LMNB1: variants seen among roughly 807,000 people sequenced by gnomAD.
The protein encoded by LMNB1 is lamin-B1.
In LMNB1, 23 loss-of-function variants were observed where a neutral mutation model predicts 67.1. That is an observed-to-expected ratio of 0.34 (90% CI 0.25 to 0.49). The LOEUF (loss-of-function observed/expected upper bound fraction) is 0.49. Among genes scored for constraint, LMNB1 ranks in the 20% least tolerant of loss-of-function variants. LMNB1 has a pLI of 0.99. For synonymous variants in LMNB1, 281 were observed against 282.9 expected (o/e 0.99, Z 0.07); for missense variants, 634 against 746.5 (o/e 0.85, Z 1.76).
Position 126,797,419 on chromosome 5 carries a change from G to A in LMNB1, c.360-7357G>A, listed in dbSNP as rs115784570. 5.0e-3 allele frequency among the ~76,000 whole-genome samples: 759 copies of A among 152,180 alleles called. 2 individuals are homozygous for A. Among genetic ancestry groups the A allele is most frequent in the Admixed American group, 0.011 (167 of 15,280 alleles). Reference sequence around the variant, plus strand: ...ATATAAATAGTTTAATCAGGCAGGTGGATAACACAACAAATCCAGTCAGGA... The same window carrying A: ...ATATAAATAGTTTAATCAGGCAGGTAGATAACACAACAAATCCAGTCAGGA... On this transcript the variant is annotated intron_variant, in intron 1 of 10. Transcript: ENST00000261366.
chr5:126,782,478 A>G (rs1214181898), intron 1 of LMNB1, among the ~76,000 whole-genome samples: 4 of 152,242 alleles, frequency 2.6e-5, no homozygotes, highest in African/African-American at 9.6e-5. Context: ...AGGTTTTGCC[A>G]CTAAATGTGT....
chr5:126,818,878 T>G, intron 5 of LMNB1, 44 bp from the exon 6 acceptor site: 1 of 1,390,786 alleles, frequency 7.2e-7, no homozygotes, highest in Non-Finnish European at 1.0e-6. Flanking sequence ...GGTGCTAATG[T>G]TGGAATGTTC....
In LMNB1 at chr5:126,779,815, G is replaced by T. The variant is rs538729148; in HGVS notation, c.359+1948G>T. Among the ~76,000 whole-genome samples the T allele has an allele frequency of 3.3e-5, 5 of 152,236 alleles. No homozygotes were observed. The East Asian group carries it at 9.7e-4, about 29-fold the overall frequency. ...TGGGAGGCCGAGGCGGGCGGATCAC[G>T]AGGTCAGGAGATCGAGGCCATCCTG... On this transcript the variant is annotated intron_variant, in intron 1 of 10. Coordinates refer to ENST00000261366, the MANE Select transcript of LMNB1 (RefSeq NM_005573.4).
intron 1 of LMNB1, among the ~76,000 whole-genome samples, chr5:126,778,871 TA>T (rs1462555643): frequency 4.6e-5 from 7 of 152,222 alleles, no homozygotes; most frequent in African/African-American, 1.7e-4. Context: ...GTAATTCACC[TA>T]AGCGAGTGCG....
chr5:126,836,217 C>T lies in LMNB1; in HGVS notation c.1720-6C>T. 1 of 1,605,218 alleles carries T rather than the reference C, an allele frequency of 6.2e-7. No individual in the cohort carries two copies. Among genetic ancestry groups the T allele is most frequent in the Non-Finnish European group, 8.5e-7 (1 of 1,172,872 alleles). On this transcript the variant is annotated splice_region_variant and splice_polypyrimidine_tract_variant and intron_variant, in intron 10 of 10. Coordinates refer to ENST00000261366, the MANE Select transcript of LMNB1 (RefSeq NM_005573.4). ...TATTAATTTTTCCTTCTGTTTTCCT[C>T]ATCAGGGAACCCCAAGAGCATCCAA...
intron 10 of LMNB1, 94 bp from the exon 11 acceptor site, chr5:126,836,128 GT>G: frequency 1.2e-6 from 1 of 862,546 alleles, no homozygotes; most frequent in Non-Finnish European, 2.0e-6. Context: ...AGGTAATATG[GT>G]TTGGTATCCC....
chr5:126,824,164 T>TA (rs1470090107), intron 8 of LMNB1, among the ~76,000 whole-genome samples: 1 of 152,224 alleles, frequency 6.6e-6, no homozygotes, highest in Non-Finnish European at 1.5e-5. Flanking sequence ...AACATGGTAG[T>TA]AATAAGTGAT....
At chr5:126,836,082 A>G in intron 10 of LMNB1, 141 bp from the exon 11 acceptor site, 1 of 659,986 alleles carries the variant, frequency 1.5e-6, no homozygotes, top group Non-Finnish European at 2.7e-6. Flanking sequence ...AAAAGGTTAG[A>G]AAAGATGAGA....
At chr5:126,797,999 T>C (rs563274515) in intron 1 of LMNB1, among the ~76,000 whole-genome samples, 8 of 152,164 alleles carry the variant, frequency 5.3e-5, no homozygotes, top group Admixed American at 4.6e-4. Context: ...GATGGGAGGA[T>C]TGTTTGAACC....
chr5:126,791,785 T>C lies in LMNB1; in HGVS notation c.360-12991T>C, dbSNP rs573702899. On this transcript the variant is annotated intron_variant, in intron 1 of 10. Transcript: ENST00000261366. Reference sequence around the variant, plus strand: ...CCTAGCCTTTTTTATTCCCTTGATGTCTCTTTTTTTGTTTTTGAGACAGGG... The same window carrying C: ...CCTAGCCTTTTTTATTCCCTTGATGCCTCTTTTTTTGTTTTTGAGACAGGG... Among the ~76,000 whole-genome samples the C allele has an allele frequency of 3.2e-4, 48 of 149,516 alleles. 1 individual carries two copies. The highest frequency in any genetic ancestry group is 1.1e-3 in the African/African-American group (45 of 40,460).
At chr5:126,821,283 A>C in intron 7 of LMNB1, 148 bp downstream of exon 7, 1 of 596,502 alleles carries the variant, frequency 1.7e-6, no homozygotes, top group East Asian at 2.8e-5. Flanking sequence ...TTCATAAAAT[A>C]AAATAAAAAT....
At chr5:126,784,396 C>T (rs1427960389) in intron 1 of LMNB1, among the ~76,000 whole-genome samples, 1 of 151,208 alleles carries the variant, frequency 6.6e-6, no homozygotes, top group Non-Finnish European at 1.5e-5. Context: ...CGCTGTGTCG[C>T]CCAGGCTGGA....
At chr5:126,797,978 T>C (rs1373951833) in intron 1 of LMNB1, among the ~76,000 whole-genome samples, 1 of 152,034 alleles carries the variant, frequency 6.6e-6, no homozygotes, top group African/African-American at 2.4e-5. Context: ...CCCAGCTTCT[T>C]GGGGGACTGA....
At chr5:126,799,592 G>A (rs554446544) in intron 1 of LMNB1, among the ~76,000 whole-genome samples, 1 of 152,352 alleles carries the variant, frequency 6.6e-6, no homozygotes, top group Admixed American at 6.5e-5. Flanking sequence ...AAGGTACTGA[G>A]GGTCCAGAAG....
intron 3 of LMNB1, among the ~76,000 whole-genome samples, chr5:126,807,853 G>GTTTTGTTTTTGT (rs11272186): frequency 0.34 from 48,684 of 145,246 alleles, 8,029 homozygotes; most frequent in Middle Eastern, 0.39. Context: ...GTCCTCTTCA[G>GTTTTGTTTTTGT]TTTTGTTTTT....
At chr5:126,780,834 C>G (rs1750616502) in intron 1 of LMNB1, among the ~76,000 whole-genome samples, 1 of 151,840 alleles carries the variant, frequency 6.6e-6, no homozygotes, top group Non-Finnish European at 1.5e-5. Context: ...TGGATTTATT[C>G]CTCAATAGCT....
At chr5:126,806,147 A>G (rs1026086979) in intron 3 of LMNB1, among the ~76,000 whole-genome samples, 2 of 151,938 alleles carry the variant, frequency 1.3e-5, no homozygotes, top group Admixed American at 6.6e-5. Context: ...TAGAGACGGG[A>G]TTTCACCATA....
intron 10 of LMNB1, among the ~76,000 whole-genome samples, chr5:126,835,456 A>G (rs116127421): frequency 1.1e-3 from 166 of 152,260 alleles, no homozygotes; most frequent in African/African-American, 3.6e-3. Context: ...TTGGAGGACA[A>G]ATCCACTGCA....
intron 9 of LMNB1, among the ~76,000 whole-genome samples, chr5:126,830,370 G>A (rs1752104120): frequency 6.6e-6 from 1 of 152,318 alleles, no homozygotes; most frequent in South Asian, 2.1e-4. Context: ...GACACTTGGG[G>A]TAAACACATT....
Sources: gnomAD v4.1 joint callset for allele counts (sites outside exome capture counted in the v4.1 genomes callset) on GRCh38, gnomAD v4.1.1 for gene constraint, MANE v1.5 for transcripts, NCBI Gene and HGNC (gene_info 2026-07-23, HGNC 2026-07-21) for gene names.